The following CSMD1 variants were observed in gnomAD, a reference collection of about 807,000 sequenced individuals.
CSMD1 encodes CUB and Sushi multiple domains 1, also known as CUB and sushi domain-containing protein 1.
Under a neutral mutation model 417.5 loss-of-function variants are expected in CSMD1, and 213 were observed. The observed-to-expected ratio is 0.51, with a 90% confidence interval of 0.46 to 0.57. The LOEUF (loss-of-function observed/expected upper bound fraction) is 0.57, where lower values mean the gene tolerates loss of function less well. CSMD1 is among the 20% of genes least tolerant of loss of function. The pLI is 0.00. For missense variants in CSMD1, 6,923 were observed against 4,529.7 expected (o/e 1.53, Z -15.17); for synonymous variants, 2,862 against 1,736.8 (o/e 1.65, Z -16.11).
At chr8:4,503,012 G>C (rs146706172) in intron 2 of CSMD1, among the ~76,000 whole-genome samples, 1 of 152,102 alleles carries the variant, frequency 6.6e-6, no homozygotes, top group Non-Finnish European at 1.5e-5. Flanking sequence ...AATAAAAAAA[G>C]CTATCATAAT....
At chr8:3,527,563 G>T (rs554051404) in intron 10 of CSMD1, among the ~76,000 whole-genome samples, 1 of 152,088 alleles carries the variant, frequency 6.6e-6, no homozygotes, top group African/African-American at 2.4e-5. Flanking sequence ...ATTGATACCT[G>T]TGATAAAATC....
At chr8:3,839,229 A>C (rs1251781879) in intron 5 of CSMD1, among the ~76,000 whole-genome samples, 1 of 125,536 alleles carries the variant, frequency 8.0e-6, no homozygotes, top group Non-Finnish European at 1.6e-5. Flanking sequence ...AGTATAATAT[A>C]TAATTATATA....
chr8:3,887,655 G>C (rs771455645), intron 5 of CSMD1, among the ~76,000 whole-genome samples: 14 of 152,304 alleles, frequency 9.2e-5, no homozygotes, highest in African/African-American at 3.1e-4. Context: ...TCCACACCTA[G>C]AGTTAAGAGA....
intron 25 of CSMD1, among the ~76,000 whole-genome samples, chr8:3,296,675 G>A (rs909250831): frequency 2.0e-5 from 3 of 152,168 alleles, no homozygotes; most frequent in Non-Finnish European, 2.9e-5. Flanking sequence ...GTCAGGTCCT[G>A]GATACGTTTT....
intron 1 of CSMD1, among the ~76,000 whole-genome samples, chr8:4,837,340 G>T (rs1413561490): frequency 6.6e-6 from 1 of 152,152 alleles, no homozygotes; most frequent in East Asian, 1.9e-4. Context: ...AGATTTGGAA[G>T]CAACCTAAGT....
At chr8:3,584,269 G>C (rs991511167) in intron 9 of CSMD1, among the ~76,000 whole-genome samples, 3 of 152,144 alleles carry the variant, frequency 2.0e-5, no homozygotes, top group African/African-American at 7.2e-5. Flanking sequence ...CTGTGGAGTT[G>C]AAAGGAAGAG....
rs967156942 is a variant in CSMD1, at chr8:4,593,775, G to C, written c.302+43567C>G. Among the ~76,000 whole-genome samples, 4 of 152,084 alleles carry C rather than the reference G, an allele frequency of 2.6e-5. No individual in the cohort carries two copies. In the South Asian group the frequency reaches 6.2e-4, roughly 24 times the overall value. Reference sequence around the variant, plus strand: ...AACATCATTTCCATTTTGCAAAAAAGGTTAGCATGCTTAATAAAGTTAAAG... The same window carrying C: ...AACATCATTTCCATTTTGCAAAAAACGTTAGCATGCTTAATAAAGTTAAAG... On this transcript the variant is annotated intron_variant, in intron 2 of 69. Transcript: ENST00000635120.
intron 5 of CSMD1, among the ~76,000 whole-genome samples, chr8:3,813,010 C>G (rs1247357910): frequency 1.3e-5 from 2 of 151,144 alleles, no homozygotes; most frequent in Non-Finnish European, 2.9e-5. Context: ...TCTTAGATTA[C>G]TTAATGGTAT....
At chr8:3,708,556 C>T (rs1801311192) in intron 6 of CSMD1, 65 bp from the exon 7 acceptor site, 7 of 1,362,050 alleles carry the variant, frequency 5.1e-6, no homozygotes, top group African/African-American at 2.9e-5. Flanking sequence ...ATGTTGTATC[C>T]ACACAGCACT....
At chr8:3,188,056 G>GTGTATATGTATATATATATATACATA in intron 35 of CSMD1, 91 bp from the exon 36 acceptor site, 1 of 651,520 alleles carries the variant, frequency 1.5e-6, no homozygotes. Context: ...CATGATTAAG[G>GTGTATATGTATATATATATATACATA]TGTATATGTA....
intron 2 of CSMD1, among the ~76,000 whole-genome samples, chr8:4,543,227 T>A (rs1053933091): frequency 2.0e-5 from 3 of 152,190 alleles, no homozygotes; most frequent in Non-Finnish European, 2.9e-5. Flanking sequence ...TACAAAGTCA[T>A]GCATCCACCA....
At chr8:3,860,037 G>T (rs566963554) in intron 5 of CSMD1, among the ~76,000 whole-genome samples, 1 of 152,272 alleles carries the variant, frequency 6.6e-6, no homozygotes, top group South Asian at 2.1e-4. Flanking sequence ...TGTGCTTGTG[G>T]AGGGTCATGC....
At chr8:4,386,688 G>C (rs1463052859) in intron 3 of CSMD1, among the ~76,000 whole-genome samples, 2 of 152,234 alleles carry the variant, frequency 1.3e-5, no homozygotes, top group African/African-American at 4.8e-5. Flanking sequence ...CTTGCAGAAT[G>C]TATTGCAGAC....
chr8:2,956,966 A>C (rs891284047), intron 63 of CSMD1, among the ~76,000 whole-genome samples: 6 of 151,880 alleles, frequency 4.0e-5, no homozygotes, highest in Admixed American at 3.9e-4. Context: ...TTTTAAAATA[A>C]ATACACCCAA....
chr8:4,375,832 A>C (rs1439463983), intron 3 of CSMD1, among the ~76,000 whole-genome samples: 3 of 152,068 alleles, frequency 2.0e-5, no homozygotes, highest in Non-Finnish European at 2.9e-5. Context: ...TTTTAAGCCA[A>C]AACAGACTTC....
chr8:2,983,737 G>A (rs1231690430), intron 54 of CSMD1, among the ~76,000 whole-genome samples: 1 of 152,162 alleles, frequency 6.6e-6, no homozygotes, highest in Non-Finnish European at 1.5e-5. Context: ...AAGCAACTAT[G>A]ATCGAGGTCG....
At chr8:4,704,490 G>T (rs1203685829) in intron 1 of CSMD1, among the ~76,000 whole-genome samples, 4 of 152,088 alleles carry the variant, frequency 2.6e-5, no homozygotes, top group Non-Finnish European at 5.9e-5. Flanking sequence ...TTGAATTTTT[G>T]TAGTACTATT....
intron 7 of CSMD1, among the ~76,000 whole-genome samples, chr8:3,705,310 C>T (rs114292989): frequency 7.7e-4 from 117 of 152,308 alleles, no homozygotes; most frequent in African/African-American, 2.6e-3. Flanking sequence ...TGCCTTGGAG[C>T]AGAGACAGCT....
rs150540529 is a variant in CSMD1, at chr8:4,307,658, T to G, written c.415+112295A>C. Among the ~76,000 whole-genome samples the G allele has an allele frequency of 2.0e-5, 3 of 152,128 alleles. No homozygotes were observed. In the South Asian group the frequency reaches 6.2e-4, roughly 31 times the overall value. On this transcript the variant is annotated intron_variant, in intron 3 of 69. Coordinates refer to ENST00000635120, the MANE Select transcript of CSMD1 (RefSeq NM_033225.6). Reference sequence around the variant, plus strand: ...TTTGCATCTCAAGGACGATGGGAAATGGGTTAAAATACAAATTTGTTGGTG... The same window carrying G: ...TTTGCATCTCAAGGACGATGGGAAAGGGGTTAAAATACAAATTTGTTGGTG...
Sources: allele counts gnomAD v4.1 joint callset (sites outside exome capture counted in the v4.1 genomes callset), GRCh38; gene constraint gnomAD v4.1.1; transcripts MANE v1.5; gene names NCBI Gene and HGNC (gene_info 2026-07-23, HGNC 2026-07-21).